XPO1: variants seen among roughly 807,000 people sequenced by gnomAD.
XPO1 encodes the protein exportin 1, also known as exportin-1.
Under a neutral mutation model 133.3 loss-of-function variants are expected in XPO1, and 5 were observed. The observed-to-expected ratio is 0.04, with a 90% CI of 0.02 to 0.08. The LOEUF is 0.08. Ranked by LOEUF, XPO1 falls within the 10% of genes least tolerant of loss-of-function variation. The pLI, the probability that XPO1 is intolerant of heterozygous loss-of-function variation, is 1.00. For missense variants in XPO1, 506 were observed against 1,267.5 expected (o/e 0.40, Z 9.12); for synonymous variants, 419 against 408.2 (o/e 1.03, Z -0.32).
At chr2:61,500,307 G>A (rs756876193) in intron 6 of XPO1, among the ~76,000 whole-genome samples, 7 of 151,994 alleles carry the variant, frequency 4.6e-5, no homozygotes, top group South Asian at 2.1e-4. Flanking sequence ...CAGGCTGGGC[G>A]TGGTAGCTCG....
intron 4 of XPO1, among the ~76,000 whole-genome samples, chr2:61,510,831 G>A (rs573505723): frequency 4.3e-4 from 66 of 151,930 alleles, no homozygotes; most frequent in African/African-American, 1.5e-3. Flanking sequence ...CAGTTATGCA[G>A]GAGACTGACG....
intron 4 of XPO1, 98 bp downstream of exon 4, chr2:61,522,513 T>C (rs1698743705): frequency 1.8e-6 from 2 of 1,082,640 alleles, no homozygotes; most frequent in Non-Finnish European, 1.4e-6. Context: ...TAGAGCAAAA[T>C]ATACTAAAGA....
chr2:61,486,022 C>A, intron 19 of XPO1, 60 bp from the exon 20 acceptor site: 1 of 1,438,624 alleles, frequency 7.0e-7, no homozygotes, highest in South Asian at 1.3e-5. Flanking sequence ...CTATTTTAAA[C>A]AACAAGGTTA....
chr2:61,502,965 C>CTTTTTTTTT (rs201077547), intron 4 of XPO1, among the ~76,000 whole-genome samples: 12 of 138,300 alleles, frequency 8.7e-5, no homozygotes, highest in African/African-American at 3.3e-4. Context: ...TGTTTCTTTT[C>CTTTTTTTTT]TTTTTTTTTT....
chr2:61,507,946 T>C (rs1164532705), intron 4 of XPO1, among the ~76,000 whole-genome samples: 1 of 152,184 alleles, frequency 6.6e-6, no homozygotes, highest in Non-Finnish European at 1.5e-5. Flanking sequence ...TTGTGTGTCT[T>C]TGATAAGTCC....
At chr2:61,482,925 C>T (rs1028482432) in intron 22 of XPO1, 32 bp downstream of exon 22, 1 of 1,612,158 alleles carries the variant, frequency 6.2e-7, no homozygotes, top group Non-Finnish European at 8.5e-7. Context: ...GCCCAGCTGG[C>T]ACTTAACATT....
intron 2 of XPO1, among the ~76,000 whole-genome samples, chr2:61,529,251 T>C (rs1699048877): frequency 6.6e-6 from 1 of 152,232 alleles, no homozygotes; most frequent in South Asian, 2.1e-4. Flanking sequence ...TTTAATTCTA[T>C]GGTTATAAAC....
intron 4 of XPO1, among the ~76,000 whole-genome samples, chr2:61,505,662 G>A (rs924469058): frequency 5.9e-5 from 9 of 151,990 alleles, no homozygotes; most frequent in African/African-American, 2.2e-4. Context: ...AGGTTTAAGC[G>A]ATTATCCTGC....
intron 24 of XPO1, among the ~76,000 whole-genome samples, chr2:61,480,913 A>G (rs1696316950): frequency 6.6e-6 from 1 of 152,204 alleles, no homozygotes; most frequent in Non-Finnish European, 1.5e-5. Flanking sequence ...TTCTTACCCA[A>G]TATTCCATTA....
chr2:61,495,071 T>G (rs1280119516), intron 11 of XPO1, among the ~76,000 whole-genome samples: 3 of 152,030 alleles, frequency 2.0e-5, no homozygotes, highest in African/African-American at 7.2e-5. Flanking sequence ...CTCGAACTCC[T>G]GCCTCAAGTG....
At chr2:61,486,011 A>G in intron 19 of XPO1, 49 bp from the exon 20 acceptor site, 1 of 1,475,532 alleles carries the variant, frequency 6.8e-7, no homozygotes, top group Non-Finnish European at 9.2e-7. Context: ...GTACATGGTG[A>G]CTATTTTAAA....
intron 19 of XPO1, 128 bp from the exon 20 acceptor site, chr2:61,486,090 G>T: frequency 2.3e-6 from 2 of 875,124 alleles, no homozygotes; most frequent in Non-Finnish European, 3.4e-6. Context: ...TCTTGTGTTT[G>T]TATTAGGGTT....
At chr2:61,527,832 GTA>G (rs555853890) in intron 2 of XPO1, among the ~76,000 whole-genome samples, 73 of 151,894 alleles carry the variant, frequency 4.8e-4, no homozygotes, top group Non-Finnish European at 8.2e-4. Flanking sequence ...TCTTGTGCTT[GTA>G]TCAGATTTTC....
intron 4 of XPO1, chr2:61,502,576 A>C: frequency 3.4e-6 from 1 of 293,210 alleles, no homozygotes; most frequent in South Asian, 4.2e-5. Flanking sequence ...AACATGGTGA[A>C]ACCCTGTCTC....
intron 17 of XPO1, among the ~76,000 whole-genome samples, chr2:61,489,240 C>T (rs967992347): frequency 6.6e-6 from 1 of 151,862 alleles, no homozygotes; most frequent in Non-Finnish European, 1.5e-5. Flanking sequence ...ATGGAGAAAC[C>T]CTGTCTCTAC....
At chr2:61,528,425 G>C (rs1053161024) in intron 2 of XPO1, among the ~76,000 whole-genome samples, 3 of 151,940 alleles carry the variant, frequency 2.0e-5, no homozygotes, top group East Asian at 3.9e-4. Context: ...ACAAGGTCAG[G>C]AGTTCAAGAC....
At chr2:61,530,973 C>A (rs888122085) in intron 2 of XPO1, among the ~76,000 whole-genome samples, 2 of 152,150 alleles carry the variant, frequency 1.3e-5, no homozygotes, top group African/African-American at 4.8e-5. Context: ...TCATAACTAA[C>A]CCTCCAATCT....
At chr2:61,519,905 C>T (rs1185125276) in intron 4 of XPO1, among the ~76,000 whole-genome samples, 4 of 151,956 alleles carry the variant, frequency 2.6e-5, no homozygotes, top group East Asian at 1.9e-4. Flanking sequence ...GCTAAAGGGC[C>T]GGACTTAGAC....
chr2:61,525,597 C>G (rs1171747311), intron 3 of XPO1: 1 of 1,018,384 alleles, frequency 9.8e-7, no homozygotes, highest in Non-Finnish European at 1.2e-6. Context: ...TAATGTCTGT[C>G]AGTATAAAAA....
Sources: allele counts gnomAD v4.1 joint callset (sites outside exome capture counted in the v4.1 genomes callset), GRCh38; gene constraint gnomAD v4.1.1; transcripts MANE v1.5; gene names NCBI Gene and HGNC (gene_info 2026-07-23, HGNC 2026-07-21).